Variants in EFCAB11 observed in about 807,000 individuals in gnomAD.
The protein encoded by EFCAB11 is EF-hand calcium-binding domain-containing protein 11.
Under a neutral mutation model 23.0 loss-of-function variants are expected in EFCAB11, and 14 were observed. That is an observed-to-expected ratio of 0.61 (90% CI 0.40 to 0.95). The LOEUF is 0.95. Among genes scored for constraint, EFCAB11 ranks in the 40% least tolerant of loss-of-function variants. The probability of loss-of-function intolerance (pLI) is 0.00; values close to 1 mark genes in which losing one functional copy is unlikely to be tolerated. For missense variants in EFCAB11, 198 were observed against 195.8 expected, an observed-to-expected ratio of 1.01 and a Z score of -0.07; for synonymous variants, 65 against 66.6, an observed-to-expected ratio of 0.98 and a Z score of 0.11.
intron 5 of EFCAB11, among the ~76,000 whole-genome samples, chr14:89,851,779 T>A (rs1467980221): frequency 6.6e-6 from 1 of 152,232 alleles, no homozygotes; most frequent in Admixed American, 6.5e-5. Flanking sequence ...AGCTTTGGGA[T>A]CATCATAAAG....
chr14:89,880,806 T>C lies in EFCAB11; in HGVS notation c.410+50735A>G, dbSNP rs185644502. Among the ~76,000 whole-genome samples, 7 of 152,286 alleles carry C rather than the reference T, an allele frequency of 4.6e-5. No homozygotes were observed. The East Asian group carries it at 1.4e-3, about 29-fold the overall frequency. On this transcript the variant is annotated intron_variant, in intron 5 of 5. Coordinates refer to ENST00000316738, the MANE Select transcript of EFCAB11 (RefSeq NM_145231.4). ...ACTAAAATTAAACTAATATTACTTG[T>C]GGGACAGTACAGCACAGTGGTTAAA...
At chr14:89,873,566 C>G (rs1888347185) in intron 5 of EFCAB11, among the ~76,000 whole-genome samples, 1 of 152,144 alleles carries the variant, frequency 6.6e-6, no homozygotes. Context: ...AGCCTAGGAG[C>G]CTGTAAAATC....
intron 5 of EFCAB11, among the ~76,000 whole-genome samples, chr14:89,834,307 C>T (rs538801961): frequency 1.2e-4 from 14 of 121,510 alleles, no homozygotes; most frequent in East Asian, 8.2e-4. Context: ...ACCCAGGAGG[C>T]GGAGGTTGCA....
intron 5 of EFCAB11, among the ~76,000 whole-genome samples, chr14:89,809,068 C>T (rs773914437): frequency 1.3e-5 from 2 of 152,126 alleles, no homozygotes; most frequent in South Asian, 2.1e-4. Context: ...AGGAACATAC[C>T]GTGAGGGAGG....
intron 5 of EFCAB11, chr14:89,892,408 C>T: frequency 1.3e-6 from 2 of 1,585,744 alleles, no homozygotes; most frequent in South Asian, 2.4e-5. Flanking sequence ...CCAGGTCCCC[C>T]AGCAGGAAGC....
intron 5 of EFCAB11, among the ~76,000 whole-genome samples, chr14:89,887,993 T>C (rs1024513177): frequency 1.3e-5 from 2 of 152,228 alleles, no homozygotes; most frequent in Non-Finnish European, 2.9e-5. Flanking sequence ...ATATCCCAGA[T>C]GGCCCTCTAG....
intron 5 of EFCAB11, among the ~76,000 whole-genome samples, chr14:89,880,174 G>T (rs551115719): frequency 6.6e-6 from 1 of 152,208 alleles, no homozygotes; most frequent in Non-Finnish European, 1.5e-5. Flanking sequence ...TAGAAGGTGG[G>T]GCCTTCATAA....
chr14:89,851,489 A>T (rs1257132491), intron 5 of EFCAB11, among the ~76,000 whole-genome samples: 1 of 152,228 alleles, frequency 6.6e-6, no homozygotes, highest in East Asian at 1.9e-4. Context: ...TATTCCTGCT[A>T]AAAGGTCAGC....
intron 5 of EFCAB11, among the ~76,000 whole-genome samples, chr14:89,893,798 C>CA (rs1338704412): frequency 1.4e-4 from 20 of 143,636 alleles, no homozygotes; most frequent in East Asian, 1.0e-3. Flanking sequence ...AACAAACAAA[C>CA]AAAAAAAAAG....
chr14:89,843,223 A>G (rs1333168026), intron 5 of EFCAB11, among the ~76,000 whole-genome samples: 1 of 152,214 alleles, frequency 6.6e-6, no homozygotes, highest in Admixed American at 6.5e-5. Context: ...ACTTCTGTTC[A>G]TATAGGTTAT....
chr14:89,937,009 A>C (rs1394084888), intron 3 of EFCAB11, among the ~76,000 whole-genome samples: 2 of 152,210 alleles, frequency 1.3e-5, no homozygotes, highest in Non-Finnish European at 2.9e-5. Flanking sequence ...AGAAAATTCT[A>C]ATTTCAAATA....
At chr14:89,905,462 C>T (rs1889467691) in intron 5 of EFCAB11, among the ~76,000 whole-genome samples, 1 of 152,006 alleles carries the variant, frequency 6.6e-6, no homozygotes, top group Non-Finnish European at 1.5e-5. Flanking sequence ...GGTATAGAGC[C>T]TACTGTCACA....
chr14:89,874,936 T>C (rs1207627020), intron 5 of EFCAB11, among the ~76,000 whole-genome samples: 2 of 151,798 alleles, frequency 1.3e-5, no homozygotes, highest in African/African-American at 4.8e-5. Context: ...GCTTTGCTGC[T>C]TAGAAATTTC....
intron 5 of EFCAB11, among the ~76,000 whole-genome samples, chr14:89,880,396 C>A (rs1281598163): frequency 6.6e-6 from 1 of 152,078 alleles, no homozygotes; most frequent in Non-Finnish European, 1.5e-5. Flanking sequence ...TATAAGCTAC[C>A]CAGTCTATGA....
rs373980433 is a variant in EFCAB11 at position 89,795,744 on chromosome 14, T to C, written c.*1499A>G. Reference sequence around the variant, plus strand: ...ATGATAATGACGCTTAATGTTTCCATATTACAAATTTACAATTTTACTTGA... The same window carrying C: ...ATGATAATGACGCTTAATGTTTCCACATTACAAATTTACAATTTTACTTGA... On this transcript the variant is annotated 3_prime_UTR_variant, in exon 6 of 6. Transcript: ENST00000316738. The C allele has an allele frequency of 6.6e-6, 1 of 152,342 alleles. No individual in the cohort carries two copies. Among genetic ancestry groups the C allele is most frequent in the East Asian group, 1.9e-4 (1 of 5,188 alleles). The allele number at this position is 152,342 out of a possible 1,614,324, so 9.4% of individuals were successfully genotyped here.
At chr14:89,849,606 GT>G (rs55668769) in intron 5 of EFCAB11, among the ~76,000 whole-genome samples, 98 of 123,336 alleles carry the variant, frequency 7.9e-4, no homozygotes, top group African/African-American at 2.2e-3. Flanking sequence ...AAGGAAATCT[GT>G]TTTTTTTTTT....
intron 5 of EFCAB11, among the ~76,000 whole-genome samples, chr14:89,849,245 A>G (rs760653828): frequency 6.6e-6 from 1 of 152,106 alleles, no homozygotes; most frequent in East Asian, 1.9e-4. Flanking sequence ...TAGAATGTCT[A>G]TCCCTCCACT....
chr14:89,946,797 T>C (rs1291586947), intron 3 of EFCAB11, among the ~76,000 whole-genome samples: 3 of 151,646 alleles, frequency 2.0e-5, no homozygotes, highest in Non-Finnish European at 2.9e-5. Flanking sequence ...AGACTGGTCT[T>C]GAACTCCTGG....
At chr14:89,905,017 G>C (rs1889453372) in intron 5 of EFCAB11, among the ~76,000 whole-genome samples, 1 of 152,130 alleles carries the variant, frequency 6.6e-6, no homozygotes, top group South Asian at 2.1e-4. Context: ...AGTCAGCTTT[G>C]ATTTGGGGAG....
Sources: gnomAD v4.1 joint callset for allele counts (sites outside exome capture counted in the v4.1 genomes callset) on GRCh38, gnomAD v4.1.1 for gene constraint, MANE v1.5 for transcripts, NCBI Gene and HGNC (gene_info 2026-07-23, HGNC 2026-07-21) for gene names.